Variants in FILIP1 observed in about 807,000 individuals in gnomAD.
FILIP1 encodes filamin A interacting protein 1.
A neutral mutation model predicts 102.1 loss-of-function variants in FILIP1; 61 were observed. The ratio of observed to expected loss-of-function variants is 0.60; its 90% CI spans 0.49 to 0.74. FILIP1 has a LOEUF of 0.74. Ranked by LOEUF, FILIP1 falls within the 30% of genes least tolerant of loss-of-function variation. The pLI is 0.00. For missense variants in FILIP1, 1,314 were observed against 1,441.2 expected (o/e 0.91, Z 1.43); for synonymous variants, 491 against 526.9 (o/e 0.93, Z 0.93).
Position 75,308,843 on chromosome 6 carries a change from T to C in FILIP1, c.3490A>G (p.Lys1164Glu). The C allele has an allele frequency of 6.2e-7, 1 of 1,614,130 alleles. No individual in the cohort carries two copies. The highest frequency in any genetic ancestry group is 8.5e-7 in the Non-Finnish European group (1 of 1,180,008). ...ACTGGCTTTCCTGCTTTCATACCTT[T>C]TGACATAGGAATGCGGGTGGGTGTA... ...RPTPTRIPMS[K>E]GMKAGKPVVA... Residue 1164 changes from lysine to glutamate, a missense_variant, in exon 6 of 6, where the codon AAA becomes GAA. Lys to Glu is a moderately conservative substitution (Grantham distance 56). Coordinates refer to ENST00000237172, the MANE Select transcript of FILIP1 (RefSeq NM_015687.5).
chr6:75,482,840 T>C (rs1438778869), intron 1 of FILIP1, among the ~76,000 whole-genome samples: 2 of 152,214 alleles, frequency 1.3e-5, no homozygotes. Context: ...ATTTACTTTC[T>C]CTATTCATGA....
At chr6:75,343,706 G>T (rs1430120792) in intron 4 of FILIP1, among the ~76,000 whole-genome samples, 1 of 152,190 alleles carries the variant, frequency 6.6e-6, no homozygotes, top group Non-Finnish European at 1.5e-5. Context: ...GGCAGTGGTT[G>T]CTCCTGGGTG....
chr6:75,332,967 C>A lies in FILIP1; in HGVS notation c.630-17765G>T, dbSNP rs190475265. Among the ~76,000 whole-genome samples, 344 of 152,258 alleles carry A rather than the reference C, an allele frequency of 2.3e-3. 3 individuals are homozygous for A. The highest frequency in any genetic ancestry group is 7.5e-4 in the Non-Finnish European group (51 of 68,016). The stretch of plus-strand genomic sequence containing the variant: ...TAAGCTTATACAGTATGGGAGCTCA[C>A]AACATAAAAGTATTTTACTGTAAAG... On this transcript the variant is annotated intron_variant, in intron 4 of 5. Coordinates refer to ENST00000237172, the MANE Select transcript of FILIP1 (RefSeq NM_015687.5).
downstream of FILIP1, among the ~76,000 whole-genome samples, chr6:75,303,558 A>C (rs1354128247): frequency 6.6e-6 from 1 of 152,128 alleles, no homozygotes; most frequent in Non-Finnish European, 1.5e-5. Context: ...TTTCTGGAAA[A>C]ACTGACCTAA....
At chr6:75,437,769 CATT>C (rs2149715713) in intron 1 of FILIP1, among the ~76,000 whole-genome samples, 1 of 152,262 alleles carries the variant, frequency 6.6e-6, no homozygotes, top group East Asian at 1.9e-4. Flanking sequence ...GAGAATTAGT[CATT>C]AGTAACATTG....
downstream of FILIP1, among the ~76,000 whole-genome samples, chr6:75,307,348 C>A (rs1006630948): frequency 6.6e-6 from 1 of 152,112 alleles, no homozygotes; most frequent in African/African-American, 2.4e-5. Context: ...AAGAAGTATG[C>A]TTTTTCCCAA....
chr6:75,299,648 C>T (rs1772781480), intron 6 of FILIP1, among the ~76,000 whole-genome samples: 1 of 152,030 alleles, frequency 6.6e-6, no homozygotes, highest in African/African-American at 2.4e-5. Context: ...TCCAGTGTTA[C>T]CTTGACGTTT....
chr6:75,457,820 C>A (rs1453428377), intron 1 of FILIP1, among the ~76,000 whole-genome samples: 1 of 152,048 alleles, frequency 6.6e-6, no homozygotes, highest in Non-Finnish European at 1.5e-5. Flanking sequence ...GGAACATTTC[C>A]AAAAATCTGA....
At chr6:75,476,275 T>C (rs540827486) in intron 1 of FILIP1, among the ~76,000 whole-genome samples, 63 of 150,374 alleles carry the variant, frequency 4.2e-4, no homozygotes, top group African/African-American at 1.5e-3. Context: ...TTGATGATCA[T>C]CATATTCAGG....
chr6:75,362,986 A>G (rs1775220744), intron 2 of FILIP1, 69 bp from the exon 3 acceptor site: 4 of 1,477,806 alleles, frequency 2.7e-6, no homozygotes, highest in Admixed American at 3.5e-5. Context: ...CAAAAAATCA[A>G]CAGAGAGCTT....
At chr6:75,353,435 C>T (rs1774877693) in intron 4 of FILIP1, 104 bp downstream of exon 4, 2 of 1,250,508 alleles carry the variant, frequency 1.6e-6, no homozygotes. Context: ...CCCTGGGCAC[C>T]TGTCCACGAT....
At chr6:75,322,729 T>C (rs1030916046) in intron 4 of FILIP1, among the ~76,000 whole-genome samples, 19 of 152,206 alleles carry the variant, frequency 1.2e-4, no homozygotes, top group African/African-American at 4.3e-4. Flanking sequence ...AGTCTCAATC[T>C]GTCACTCAGG....
intron 1 of FILIP1, among the ~76,000 whole-genome samples, chr6:75,479,862 G>A (rs575789711): frequency 1.0e-3 from 83 of 80,054 alleles, no homozygotes; most frequent in Middle Eastern, 0.019. Flanking sequence ...GAGTAAAGCT[G>A]TATCTCAAAA....
At chr6:75,461,599 A>C (rs1582544100) in intron 1 of FILIP1, among the ~76,000 whole-genome samples, 1 of 152,230 alleles carries the variant, frequency 6.6e-6, no homozygotes, top group African/African-American at 2.4e-5. Flanking sequence ...CCCTCAGGAA[A>C]CCTGCAGTTT....
intron 2 of FILIP1, among the ~76,000 whole-genome samples, chr6:75,392,613 C>A (rs1347199239): frequency 2.0e-5 from 3 of 152,118 alleles, no homozygotes; most frequent in Non-Finnish European, 4.4e-5. Context: ...CTCTTCTACA[C>A]AATTTATACA....
At chr6:75,478,843 T>C (rs1424530303) in intron 1 of FILIP1, among the ~76,000 whole-genome samples, 1 of 152,220 alleles carries the variant, frequency 6.6e-6, no homozygotes. Flanking sequence ...GAGTATTTCA[T>C]GCCCAAAACA....
At chr6:75,389,125 T>G (rs1265630694) in intron 2 of FILIP1, among the ~76,000 whole-genome samples, 1 of 152,240 alleles carries the variant, frequency 6.6e-6, no homozygotes, top group Non-Finnish European at 1.5e-5. Context: ...TCTATTGAGT[T>G]AATCATGTGG....
chr6:75,411,956 G>C (rs1777086368), intron 2 of FILIP1, among the ~76,000 whole-genome samples: 1 of 152,120 alleles, frequency 6.6e-6, no homozygotes, highest in Non-Finnish European at 1.5e-5. Flanking sequence ...TGTGGAGAAA[G>C]TCAGTGGTAG....
At chr6:75,375,608 CT>C (rs893269445) in intron 2 of FILIP1, among the ~76,000 whole-genome samples, 1 of 152,146 alleles carries the variant, frequency 6.6e-6, no homozygotes, top group African/African-American at 2.4e-5. Flanking sequence ...GAAAAGATAG[CT>C]TTATAAAGTC....
Sources: allele counts gnomAD v4.1 joint callset (sites outside exome capture counted in the v4.1 genomes callset), GRCh38; gene constraint gnomAD v4.1.1; transcripts MANE v1.5; gene names NCBI Gene and HGNC (gene_info 2026-07-23, HGNC 2026-07-21).